WDR44: variants seen among roughly 807,000 people sequenced by gnomAD.
WDR44 encodes WD repeat domain 44.
A neutral mutation model predicts 65.7 loss-of-function variants in WDR44; 9 were observed. The observed-to-expected ratio is 0.14, with a 90% CI of 0.08 to 0.24. WDR44 has a LOEUF of 0.24. Among genes scored for constraint, WDR44 ranks in the 10% least tolerant of loss-of-function variants. WDR44 has a pLI of 1.00. For synonymous variants in WDR44, 220 were observed against 235.2 expected, an observed-to-expected ratio of 0.94 and a Z score of 0.59; for missense variants, 425 against 670.9, an observed-to-expected ratio of 0.63 and a Z score of 4.05.
chrX:118,365,007 C>T (rs948988003), intron 1 of WDR44, among the ~76,000 whole-genome samples: 3 of 112,141 alleles, frequency 2.7e-5, no homozygotes, highest in African/African-American at 9.7e-5. Flanking sequence ...AGAACATTCA[C>T]CAAATTGATT....
At chrX:118,396,635 G>A (rs928542156) in intron 6 of WDR44, among the ~76,000 whole-genome samples, 2 of 111,908 alleles carry the variant, frequency 1.8e-5, no homozygotes, top group African/African-American at 6.5e-5. Flanking sequence ...ACAGAAAGTA[G>A]ATTGGTATTT....
chrX:118,378,397 CCTTA>C lies in WDR44; in HGVS notation c.78-18_78-15del, dbSNP rs2056681369. 2 of 1,200,009 alleles carry C rather than the reference CCTTA, an allele frequency of 1.7e-6. No homozygotes were observed. On this transcript the variant is annotated intron_variant, in intron 1 of 19. Transcript: ENST00000254029. ...TTCTCATCTCCTCTATTCAACACCT[CCTTA>C]CTTTTATTTCTGAACAGGTCTCCAG...
chrX:118,385,177 C>T, intron 2 of WDR44, among the ~76,000 whole-genome samples: 1 of 112,015 alleles, frequency 8.9e-6, no homozygotes, highest in Non-Finnish European at 1.9e-5. Context: ...GAATATAAAT[C>T]ATTCTATTAT....
At chrX:118,368,895 T>G (rs1025547388) in intron 1 of WDR44, among the ~76,000 whole-genome samples, 1 of 106,120 alleles carries the variant, frequency 9.4e-6, no homozygotes, top group Non-Finnish European at 1.9e-5. Context: ...TTTTTTTTTC[T>G]TTTTGTATTT....
intron 12 of WDR44, among the ~76,000 whole-genome samples, chrX:118,420,037 C>G (rs1311928062): frequency 9.0e-6 from 1 of 110,754 alleles, no homozygotes; most frequent in African/African-American, 3.3e-5. Context: ...AAATTCCTAG[C>G]CACTCTACCC....
At chrX:118,407,067 G>A in intron 10 of WDR44, 41 bp downstream of exon 10, 1 of 1,160,349 alleles carries the variant, frequency 8.6e-7, no homozygotes, top group East Asian at 3.0e-5. Flanking sequence ...TACTGTTTTT[G>A]TTAAGAGAAA....
intron 2 of WDR44, among the ~76,000 whole-genome samples, chrX:118,384,118 T>C (rs1474201955): frequency 9.1e-6 from 1 of 109,899 alleles, no homozygotes; most frequent in Non-Finnish European, 1.9e-5. Flanking sequence ...TTTCAGCCTG[T>C]GCCCGGCCTT....
intron 8 of WDR44, among the ~76,000 whole-genome samples, chrX:118,399,442 T>A (rs752110035): frequency 3.7e-4 from 41 of 111,710 alleles, no homozygotes; most frequent in African/African-American, 1.2e-3. Flanking sequence ...ATTGAGAATT[T>A]TTAGGAAAGA....
chrX:118,444,160 G>A (rs1176755410), intron 18 of WDR44, among the ~76,000 whole-genome samples, 200 bp from the exon 19 acceptor site: 1 of 112,346 alleles, frequency 8.9e-6, no homozygotes, highest in Non-Finnish European at 1.9e-5. Flanking sequence ...CTATACTAAG[G>A]AAGAACTTTG....
intron 1 of WDR44, among the ~76,000 whole-genome samples, chrX:118,346,983 C>T (rs1222688088): frequency 8.9e-6 from 1 of 111,750 alleles, no homozygotes; most frequent in Non-Finnish European, 1.9e-5. Flanking sequence ...AGAAATGTAA[C>T]TTGTAGTTTT....
At chrX:118,374,184 C>A (rs927310076) in intron 1 of WDR44, among the ~76,000 whole-genome samples, 17 of 109,124 alleles carry the variant, frequency 1.6e-4, no homozygotes, top group Admixed American at 1.3e-3. Context: ...TGAGAATATG[C>A]GGTGCTTTAT....
At chrX:118,397,219 G>T in intron 7 of WDR44, 113 bp downstream of exon 7, 1 of 652,788 alleles carries the variant, frequency 1.5e-6, no homozygotes, top group Non-Finnish European at 2.2e-6. Context: ...TTTTTCTTCT[G>T]GAATTAAAAT....
At chrX:118,397,792 G>A (rs2056878014) in intron 7 of WDR44, among the ~76,000 whole-genome samples, 1 of 111,940 alleles carries the variant, frequency 8.9e-6, no homozygotes, top group Admixed American at 9.5e-5. Context: ...TTTCCCTATA[G>A]CACATTTTGC....
At chrX:118,420,348 G>T (rs191695540) in intron 12 of WDR44, among the ~76,000 whole-genome samples, 110 of 110,789 alleles carry the variant, frequency 9.9e-4, no homozygotes, top group Non-Finnish European at 1.2e-3. Flanking sequence ...CGCCTCCCGG[G>T]TTCAAGGGGT....
intron 13 of WDR44, 43 bp downstream of exon 13, chrX:118,432,937 AG>A (rs765359145): frequency 2.7e-6 from 3 of 1,096,804 alleles, no homozygotes; most frequent in Non-Finnish European, 2.5e-6. Context: ...TCTGCGTATA[AG>A]GAGCTGATGC....
At position 118,443,766 on chromosome X, in the gene WDR44, C is replaced by T. The variant is rs750574277; in HGVS notation, c.2512+79C>T. Reference sequence around the variant, plus strand: ...TATATACTAGAAGTAAATTCATGACCGGACACAGTGGCTCACGCCTGTAAT... The same window carrying T: ...TATATACTAGAAGTAAATTCATGACTGGACACAGTGGCTCACGCCTGTAAT... On this transcript the variant is annotated intron_variant, in intron 18 of 19. Transcript: ENST00000254029. 161 of 1,023,030 alleles carry T rather than the reference C, an allele frequency of 1.6e-4. No individual in the cohort carries two copies. In the African/African-American group the frequency reaches 2.7e-3, roughly 17 times the overall value. The allele number at this position is 1,023,030 out of a possible 1,213,427, so 84.3% of individuals were successfully genotyped here. A position where few individuals can be genotyped will look rare whatever the true frequency, so the allele number is the denominator to read the frequency against.
intron 1 of WDR44, among the ~76,000 whole-genome samples, chrX:118,373,167 A>G (rs2056629380): frequency 9.0e-6 from 1 of 111,117 alleles, no homozygotes; most frequent in Non-Finnish European, 1.9e-5. Context: ...AAAACTATAA[A>G]ACACAGACAT....
intron 14 of WDR44, among the ~76,000 whole-genome samples, chrX:118,440,319 G>C (rs2057294237): frequency 9.1e-6 from 1 of 110,144 alleles, no homozygotes; most frequent in African/African-American, 3.3e-5. Context: ...CTAAATACTG[G>C]TAGCATCCTG....
At chrX:118,369,021 C>T (rs1264304591) in intron 1 of WDR44, among the ~76,000 whole-genome samples, 1 of 109,387 alleles carries the variant, frequency 9.1e-6, no homozygotes, top group Admixed American at 9.8e-5. Context: ...AGCCACCATG[C>T]CTGGCCAAAA....
Sources: gnomAD v4.1 joint callset for allele counts (sites outside exome capture counted in the v4.1 genomes callset) on GRCh38, gnomAD v4.1.1 for gene constraint, MANE v1.5 for transcripts, NCBI Gene and HGNC (gene_info 2026-07-23, HGNC 2026-07-21) for gene names.